The following HIVEP2 variants were observed in gnomAD, a reference collection of about 807,000 sequenced individuals.
HIVEP2 encodes transcription factor HIVEP2.
Under a neutral mutation model 180.7 loss-of-function variants are expected in HIVEP2, and 14 were observed. The observed-to-expected ratio is 0.08, with a 90% CI of 0.05 to 0.12. The LOEUF (loss-of-function observed/expected upper bound fraction) is 0.12, where lower values mean the gene tolerates loss of function less well. Among genes scored for constraint, HIVEP2 ranks in the 10% least tolerant of loss-of-function variants. The probability of loss-of-function intolerance (pLI) is 1.00; values close to 1 mark genes in which losing one functional copy is unlikely to be tolerated. For missense variants in HIVEP2, 2,579 were observed against 3,008.5 expected, an observed-to-expected ratio of 0.86 and a Z score of 3.34; for synonymous variants, 1,184 against 1,136.4, an observed-to-expected ratio of 1.04 and a Z score of -0.84.
intron 9 of HIVEP2, among the ~76,000 whole-genome samples, chr6:142,756,046 G>A (rs980126851): frequency 1.3e-5 from 2 of 152,164 alleles, no homozygotes; most frequent in African/African-American, 2.4e-5. Flanking sequence ...AAATTTTGTC[G>A]TGGAAAAACA....
intron 2 of HIVEP2, among the ~76,000 whole-genome samples, chr6:142,798,143 T>G (rs1776322692): frequency 1.3e-5 from 2 of 151,926 alleles, no homozygotes; most frequent in Admixed American, 1.3e-4. Flanking sequence ...GGAGACAGCC[T>G]GATGGCACAT....
chr6:142,785,344 A>AAAGAAGAAG (rs1187343842), intron 2 of HIVEP2, among the ~76,000 whole-genome samples: 1 of 106,354 alleles, frequency 9.4e-6, no homozygotes, highest in Admixed American at 1.1e-4. Flanking sequence ...AAAAAAAAAA[A>AAAGAAGAAG]AAGAAGAAGA....
chr6:142,862,352 TATATGTA>T (rs1484711202), intron 1 of HIVEP2, among the ~76,000 whole-genome samples: 2 of 150,624 alleles, frequency 1.3e-5, no homozygotes, highest in African/African-American at 2.4e-5. Flanking sequence ...ACATCTATTA[TATATGTA>T]ATATGTAATA....
chr6:142,924,265 G>C (rs1043347459), intron 1 of HIVEP2, among the ~76,000 whole-genome samples: 1 of 151,992 alleles, frequency 6.6e-6, no homozygotes, highest in African/African-American at 2.4e-5. Context: ...AATTATGACC[G>C]AAGACTACAA....
intron 1 of HIVEP2, among the ~76,000 whole-genome samples, chr6:142,851,754 G>A (rs190168965): frequency 6.6e-6 from 1 of 152,336 alleles, no homozygotes; most frequent in Admixed American, 6.5e-5. Flanking sequence ...TCAATTTTCA[G>A]TTCTAGTCAT....
chr6:142,930,652 T>C (rs1341722777), intron 1 of HIVEP2, among the ~76,000 whole-genome samples: 1 of 152,124 alleles, frequency 6.6e-6, no homozygotes, highest in African/African-American at 2.4e-5. Flanking sequence ...CAGATGGAAA[T>C]ATATTTACAT....
intron 2 of HIVEP2, among the ~76,000 whole-genome samples, chr6:142,828,470 G>A (rs1774973885): frequency 6.6e-6 from 1 of 151,360 alleles, no homozygotes; most frequent in Admixed American, 6.6e-5. Flanking sequence ...ACAGAGTCTT[G>A]CTCTCGCTTA....
chr6:142,858,485 C>T (rs1446152715), intron 1 of HIVEP2, among the ~76,000 whole-genome samples: 1 of 152,190 alleles, frequency 6.6e-6, no homozygotes, highest in African/African-American at 2.4e-5. Flanking sequence ...TGGAAAATAA[C>T]AAGTGTTTGA....
At chr6:142,916,464 A>C (rs528531961) in intron 1 of HIVEP2, among the ~76,000 whole-genome samples, 1 of 152,202 alleles carries the variant, frequency 6.6e-6, no homozygotes, top group East Asian at 1.9e-4. Flanking sequence ...TTTGATTAGA[A>C]CCATGATCCC....
At chr6:142,821,728 T>A (rs1275169687) in intron 2 of HIVEP2, among the ~76,000 whole-genome samples, 1 of 152,170 alleles carries the variant, frequency 6.6e-6, no homozygotes, top group African/African-American at 2.4e-5. Flanking sequence ...GCTGAAAGAT[T>A]TCCCCTGATA....
intron 2 of HIVEP2, among the ~76,000 whole-genome samples, chr6:142,819,865 G>T (rs1302002619): frequency 6.6e-6 from 1 of 152,184 alleles, no homozygotes; most frequent in Non-Finnish European, 1.5e-5. Context: ...CCAAAGCTTA[G>T]ATCCACAGTA....
Position 142,943,636 on chromosome 6 carries a change from A to G in HIVEP2, c.-641+1463T>C, listed in dbSNP as rs1266871575. ...GCTTTAGGGTTGGGGGCGAGTACCA[A>G]TATTCATTTGGAGGTAAATTGAGTT... On this transcript the variant is annotated intron_variant, in intron 1 of 9. Transcript: ENST00000367603. The surrounding 1 kb of genome is among the most constrained non-coding windows in gnomAD (Gnocchi z 4.5). Among the ~76,000 whole-genome samples, 1 of 152,180 alleles carries G rather than the reference A, an allele frequency of 6.6e-6. No individual in the cohort carries two copies. The highest frequency in any genetic ancestry group is 1.5e-5 in the Non-Finnish European group (1 of 68,026).
intron 1 of HIVEP2, among the ~76,000 whole-genome samples, chr6:142,901,975 A>T (rs544930735): frequency 6.6e-6 from 1 of 152,326 alleles, no homozygotes; most frequent in South Asian, 2.1e-4. Context: ...TAAGAATTAG[A>T]AAATAGTTTA....
chr6:142,802,524 AG>A (rs1197926601), intron 2 of HIVEP2, among the ~76,000 whole-genome samples: 1 of 151,864 alleles, frequency 6.6e-6, no homozygotes, highest in Non-Finnish European at 1.5e-5. Context: ...GAAGTAATAA[AG>A]GAAAAAAAAA....
chr6:142,908,966 C>A (rs529533406), intron 1 of HIVEP2, among the ~76,000 whole-genome samples: 2 of 150,628 alleles, frequency 1.3e-5, no homozygotes, highest in African/African-American at 4.9e-5. Context: ...TGTAGAATAT[C>A]AAAAATAACT....
intron 2 of HIVEP2, among the ~76,000 whole-genome samples, chr6:142,784,948 C>T (rs1044977260): frequency 3.3e-5 from 5 of 151,998 alleles, no homozygotes; most frequent in African/African-American, 9.7e-5. Context: ...AGTGCAGTGG[C>T]GCGATCTCGG....
intron 1 of HIVEP2, among the ~76,000 whole-genome samples, chr6:142,928,013 C>T (rs985130175): frequency 2.6e-5 from 4 of 152,232 alleles, no homozygotes; most frequent in African/African-American, 9.6e-5. Flanking sequence ...GTGTCAACAT[C>T]TCTAACATTT....
At chr6:142,937,394 G>A (rs1582978899) in intron 1 of HIVEP2, among the ~76,000 whole-genome samples, 1 of 152,114 alleles carries the variant, frequency 6.6e-6, no homozygotes, top group South Asian at 2.1e-4. Context: ...CGTTTACTAT[G>A]TGCTCATTGA....
chr6:142,834,543 T>G (rs1472976561), intron 2 of HIVEP2, among the ~76,000 whole-genome samples: 2 of 152,142 alleles, frequency 1.3e-5, no homozygotes, highest in East Asian at 3.8e-4. Context: ...ATCACCCATG[T>G]GTTTAAAAGC....
Sources: gnomAD v4.1 joint callset for allele counts (sites outside exome capture counted in the v4.1 genomes callset) on GRCh38, gnomAD v4.1.1 for gene constraint, Gnocchi (gnomAD v3.1) non-coding constraint, MANE v1.5 for transcripts, NCBI Gene and HGNC (gene_info 2026-07-23, HGNC 2026-07-21) for gene names.